The following CD99 variants were observed in gnomAD, a reference collection of about 807,000 sequenced individuals.
CD99 encodes CD99 antigen.
In CD99, 19 loss-of-function variants were observed where a neutral mutation model predicts 28.4. That is an observed-to-expected ratio of 0.67 (90% CI 0.47 to 0.98). CD99 has a LOEUF of 0.98. Ranked by LOEUF, CD99 falls within the 50% of genes least tolerant of loss-of-function variation. The probability of loss-of-function intolerance (pLI) is 0.00; values close to 1 mark genes in which losing one functional copy is unlikely to be tolerated. For synonymous variants in CD99, 103 were observed against 92.1 expected (o/e 1.12, Z -0.67); for missense variants, 283 against 248.8 (o/e 1.14, Z -0.92).
intron 8 of CD99, among the ~76,000 whole-genome samples, chrX:2,728,200 C>CTT (rs892410632): frequency 0.012 from 1,262 of 106,900 alleles, 41 homozygotes; most frequent in African/African-American, 0.036. Flanking sequence ...TTGGTTGTTT[C>CTT]TTTTTTTTTT....
At chrX:2,727,448 C>T in intron 8 of CD99, 2 of 724,298 alleles carry the variant, frequency 2.8e-6, no homozygotes, top group Non-Finnish European at 5.2e-6. Flanking sequence ...TTGTGGTTTG[C>T]AGGAATCCCA....
At chrX:2,738,306 T>G in intron 9 of CD99, 50 bp downstream of exon 9, 1 of 1,555,156 alleles carries the variant, frequency 6.4e-7, no homozygotes, top group South Asian at 1.1e-5. Flanking sequence ...GTGTTCCCAT[T>G]TTATCTTCTC....
chrX:2,729,647 C>T lies in CD99; in HGVS notation c.475+3274C>T, dbSNP rs1394499182. Among the ~76,000 whole-genome samples, 7 of 152,176 alleles carry T rather than the reference C, an allele frequency of 4.6e-5. No homozygotes were observed. The South Asian group carries it at 1.5e-3, about 32-fold the overall frequency. On this transcript the variant is annotated intron_variant, in intron 8 of 9. Coordinates refer to ENST00000381192, the MANE Select transcript of CD99 (RefSeq NM_002414.5). ...AAGACACACAAACTTGGGAAAGCAC[C>T]CAGGAGGCTTAATAGACTTGATTTT...
At chrX:2,701,358 T>A (rs1269550357) in intron 1 of CD99, among the ~76,000 whole-genome samples, 2 of 152,222 alleles carry the variant, frequency 1.3e-5, no homozygotes, top group African/African-American at 4.8e-5. Context: ...CTATTGGTGC[T>A]ATTTGCTGTG....
rs751842963 is a variant in CD99 at position 2,740,831 on chromosome X, C to T, written c.*27C>T. On this transcript the variant is annotated 3_prime_UTR_variant, in exon 10 of 10. Coordinates refer to ENST00000381192, the MANE Select transcript of CD99 (RefSeq NM_002414.5). ...AGATTGTCGGCAGAAACAGCCCAGG[C>T]GTTGGCAGCAGGGTTAGAACAGCTG... 7 of 1,613,622 alleles carry T rather than the reference C, an allele frequency of 4.3e-6. No homozygotes were observed. Among genetic ancestry groups the T allele is most frequent in the African/African-American group, 2.7e-5 (2 of 74,906 alleles).
rs1384736347 is a variant in CD99, at chrX:2,717,607, A to G, written c.103A>G (p.Asn35Asp). Reference sequence around the variant, plus strand: ...ACTGAAATATCTTATCTCTTTAGACAATGAAAACAAGAAACCCACTGCAAT... The same window carrying G: ...ACTGAAATATCTTATCTCTTTAGACGATGAAAACAAGAAACCCACTGCAAT... ...GFDLSDALPD[N>D]ENKKPTAIPK... Residue 35 changes from asparagine (N) to aspartate (D), a missense_variant and splice_region_variant, in exon 3 of 10, where the codon AAT becomes GAT. Coordinates refer to ENST00000381192, the MANE Select transcript of CD99 (RefSeq NM_002414.5). The G allele has an allele frequency of 2.5e-6, 4 of 1,613,290 alleles. No homozygotes were observed. The South Asian group carries it at 4.4e-5, about 18-fold the overall frequency.
At chrX:2,722,296 G>A (rs997284563) in intron 5 of CD99, among the ~76,000 whole-genome samples, 8 of 152,028 alleles carry the variant, frequency 5.3e-5, no homozygotes, top group African/African-American at 1.2e-4. Flanking sequence ...TTATGCTCAC[G>A]TTTTTCCACT....
chrX:2,702,173 A>T (rs2047893527), intron 1 of CD99, among the ~76,000 whole-genome samples: 1 of 152,158 alleles, frequency 6.6e-6, no homozygotes, highest in South Asian at 2.1e-4. Context: ...GGAGAGGATC[A>T]CGGAGGGCTT....
chrX:2,705,444 T>C (rs1209558873), intron 1 of CD99, among the ~76,000 whole-genome samples: 1 of 152,214 alleles, frequency 6.6e-6, no homozygotes, highest in African/African-American at 2.4e-5. Flanking sequence ...CAGCGCCAGA[T>C]TTTTTTAAAT....
intron 8 of CD99, chrX:2,733,706 T>G (rs180694941): frequency 5.6e-4 from 230 of 410,720 alleles, no homozygotes; most frequent in African/African-American, 4.0e-3. Context: ...GTTTTGTCCC[T>G]AAGTCCATCC....
chrX:2,723,500 C>A, intron 7 of CD99, 136 bp downstream of exon 7: 1 of 918,218 alleles, frequency 1.1e-6, no homozygotes, highest in Non-Finnish European at 1.8e-6. Context: ...GTGTTCTGTG[C>A]CAAGTGCTCC....
chrX:2,695,810 T>A (rs1333201950), intron 1 of CD99, among the ~76,000 whole-genome samples: 3 of 151,994 alleles, frequency 2.0e-5, no homozygotes, highest in Non-Finnish European at 4.4e-5. Context: ...TTTTTTGTAT[T>A]TTTAGTAGAG....
intron 8 of CD99, 192 bp from the exon 9 acceptor site, chrX:2,738,008 T>G (rs760032321): frequency 2.8e-6 from 2 of 723,548 alleles, no homozygotes; most frequent in Non-Finnish European, 5.2e-6. Context: ...CATGAAAAAA[T>G]ACTGGCAAAG....
At chrX:2,707,868 A>G (rs1015593886) in intron 1 of CD99, among the ~76,000 whole-genome samples, 1 of 152,134 alleles carries the variant, frequency 6.6e-6, no homozygotes, top group African/African-American at 2.4e-5. Context: ...TTCAGGAGCA[A>G]AAAGGCAAGT....
intron 1 of CD99, among the ~76,000 whole-genome samples, chrX:2,711,624 C>A (rs2048414707): frequency 6.6e-6 from 1 of 152,030 alleles, no homozygotes; most frequent in Non-Finnish European, 1.5e-5. Flanking sequence ...TCACTAAAAG[C>A]CATTCATTTG....
chrX:2,723,319 G>C lies in CD99; in HGVS notation c.316G>C (p.Gly106Arg), dbSNP rs2049097478. 1.2e-6 allele frequency: 2 copies of C among 1,613,974 alleles called. No individual in the cohort carries two copies. The highest frequency in any genetic ancestry group is 1.7e-6 in the Non-Finnish European group (2 of 1,179,868). Residue 106 changes from glycine (G) to arginine (R), a missense_variant, in exon 7 of 10, where the codon GGA (glycine) becomes CGA (arginine). By Grantham distance (125) the Gly-to-Arg change is moderately radical. Coordinates refer to ENST00000381192, the MANE Select transcript of CD99 (RefSeq NM_002414.5). Reference protein sequence around the residue: ...ADGVSGGEGKGGSDGGGSHRK... With the variant: ...ADGVSGGEGKRGSDGGGSHRK... ...ACGTTGTTTTTGTCTTGCAGGAAAAGGAGGCAGTGATGGTGGAGGCAGCCA... is the reference window on the plus strand; with the variant it reads ...ACGTTGTTTTTGTCTTGCAGGAAAACGAGGCAGTGATGGTGGAGGCAGCCA...
chrX:2,703,416 T>G (rs887701045), intron 1 of CD99, among the ~76,000 whole-genome samples: 2 of 152,144 alleles, frequency 1.3e-5, no homozygotes, highest in Admixed American at 1.3e-4. Flanking sequence ...GTCTATTCAC[T>G]GCGGTGTCTT....
At chrX:2,719,390 T>C (rs929379461) in intron 3 of CD99, 57 of 408,298 alleles carry the variant, frequency 1.4e-4, no homozygotes, top group Middle Eastern at 6.1e-4. Context: ...TTTATTTCTC[T>C]CTCTCTCTCC....
chrX:2,726,211 TC>T (rs770707053), intron 7 of CD99, 48 bp from the exon 8 acceptor site: 1 of 1,173,222 alleles, frequency 8.5e-7, no homozygotes, highest in Admixed American at 1.7e-5. Context: ...TGGGATCTTC[TC>T]TGCACCGTGC....
Sources: gnomAD v4.1 joint callset for allele counts (sites outside exome capture counted in the v4.1 genomes callset) on GRCh38, gnomAD v4.1.1 for gene constraint, MANE v1.5 for transcripts, NCBI Gene and HGNC (gene_info 2026-07-23, HGNC 2026-07-21) for gene names.